The following NPSR1 variants were observed in gnomAD, a reference collection of about 807,000 sequenced individuals.
NPSR1 encodes neuropeptide S receptor.
A neutral mutation model predicts 46.9 loss-of-function variants in NPSR1; 48 were observed. That is an observed-to-expected ratio of 1.02 (90% CI 0.81 to 1.30). NPSR1 has a LOEUF of 1.30. NPSR1 is among the 50% of genes most tolerant of loss of function. The pLI, the probability that NPSR1 is intolerant of heterozygous loss-of-function variation, is 0.00. For missense variants in NPSR1, 450 were observed against 449.5 expected, an observed-to-expected ratio of 1.00 and a Z score of -0.01; for synonymous variants, 176 against 168.1, an observed-to-expected ratio of 1.05 and a Z score of -0.36.
intron 1 of NPSR1, among the ~76,000 whole-genome samples, chr7:34,674,610 A>G (rs185904830): frequency 1.3e-5 from 2 of 152,340 alleles, no homozygotes; most frequent in African/African-American, 4.8e-5. Context: ...CCTGTATTGG[A>G]AAATGGCAGA....
chr7:34,805,698 T>C (rs1410506741), intron 3 of NPSR1, among the ~76,000 whole-genome samples: 1 of 151,862 alleles, frequency 6.6e-6, no homozygotes, highest in Admixed American at 6.6e-5. Flanking sequence ...TGTTGGACAT[T>C]ATGAAAATTT....
intron 2 of NPSR1, among the ~76,000 whole-genome samples, chr7:34,766,987 G>C (rs1230487953): frequency 2.0e-5 from 3 of 152,184 alleles, no homozygotes; most frequent in Non-Finnish European, 4.4e-5. Context: ...GTGTTTGCTA[G>C]GAAATGGGTG....
chr7:34,788,719 T>C (rs999275272), intron 3 of NPSR1, among the ~76,000 whole-genome samples: 2 of 152,042 alleles, frequency 1.3e-5, no homozygotes, highest in Non-Finnish European at 2.9e-5. Context: ...TCATAGGTCT[T>C]CAAAATCCCA....
chr7:34,708,676 A>C (rs1013137657), intron 2 of NPSR1, among the ~76,000 whole-genome samples: 11 of 152,238 alleles, frequency 7.2e-5, no homozygotes, highest in South Asian at 2.1e-4. Flanking sequence ...AGGTCAGAAG[A>C]TGCCTCTGCC....
intron 2 of NPSR1, among the ~76,000 whole-genome samples, chr7:34,707,573 G>A (rs1046794679): frequency 3.6e-4 from 55 of 152,140 alleles, no homozygotes; most frequent in African/African-American, 1.3e-3. Context: ...ACTTACTATG[G>A]CGAGGCATGG....
intron 2 of NPSR1, among the ~76,000 whole-genome samples, chr7:34,698,583 A>G (rs1793656272): frequency 6.6e-6 from 1 of 152,206 alleles, no homozygotes; most frequent in Admixed American, 6.5e-5. Context: ...CTTTCTTACA[A>G]CAACTGATAT....
In NPSR1 at chr7:34,827,574, G is replaced by A; in HGVS notation, c.652G>A (p.Val218Met). The change falls in exon 5 of 9, where the codon GTG becomes ATG. Residue 218 changes from valine to methionine, a missense_variant. Coordinates refer to ENST00000360581, the MANE Select transcript of NPSR1 (RefSeq NM_207172.2). ...ATACATGACCATCGTGGCCTTCCTG[G>A]TGTACTTCATCCCTCTGACAATCAT... Reference protein sequence around the residue: ...TPYMTIVAFLVYFIPLTIISI... With the variant: ...TPYMTIVAFLMYFIPLTIISI... 7.0e-7 allele frequency: 1 copy of A among 1,434,194 alleles called. No homozygotes were observed. The highest frequency in any genetic ancestry group is 1.5e-5 in the African/African-American group (1 of 66,554). The allele number at this position is 1,434,194 out of a possible 1,614,324, so 88.8% of individuals were successfully genotyped here.
chr7:34,829,894 C>T (rs543373836), intron 5 of NPSR1, among the ~76,000 whole-genome samples: 15 of 152,214 alleles, frequency 9.9e-5, no homozygotes, highest in African/African-American at 2.2e-4. Flanking sequence ...CAGCCCGTGA[C>T]GGTCATGAAA....
chr7:34,750,710 C>T, intron 2 of NPSR1: 1 of 699,210 alleles, frequency 1.4e-6, no homozygotes, highest in Non-Finnish European at 2.7e-6. Context: ...ATCTCCAAAA[C>T]AGTCAAAATT....
chr7:34,811,061 G>A (rs551514783), intron 3 of NPSR1, among the ~76,000 whole-genome samples: 1 of 152,300 alleles, frequency 6.6e-6, no homozygotes. Context: ...GTGGGTGCCT[G>A]TGACTCCTGA....
At chr7:34,700,572 G>A (rs1293249011) in intron 2 of NPSR1, among the ~76,000 whole-genome samples, 1 of 152,136 alleles carries the variant, frequency 6.6e-6, no homozygotes, top group Non-Finnish European at 1.5e-5. Context: ...AGGGAGATAC[G>A]ACTTCACACC....
intron 2 of NPSR1, among the ~76,000 whole-genome samples, chr7:34,764,411 CT>C (rs1786328593): frequency 6.6e-6 from 1 of 152,200 alleles, no homozygotes; most frequent in South Asian, 2.1e-4. Context: ...CAAATCCATC[CT>C]GCAGCTTATT....
At chr7:34,764,136 G>C (rs529329698) in intron 2 of NPSR1, among the ~76,000 whole-genome samples, 3 of 152,244 alleles carry the variant, frequency 2.0e-5, no homozygotes, top group African/African-American at 7.2e-5. Flanking sequence ...CAAAGTCTTG[G>C]CTCTACATTA....
At chr7:34,685,600 TG>T (rs1562650887) in intron 2 of NPSR1, 1 of 320,432 alleles carries the variant, frequency 3.1e-6, no homozygotes, top group Non-Finnish European at 5.9e-6. Flanking sequence ...CAACCTGTAC[TG>T]TTATCTCAGC....
At chr7:34,850,546 G>A (rs1790904147), downstream of NPSR1, among the ~76,000 whole-genome samples, 1 of 152,196 alleles carries the variant, frequency 6.6e-6, no homozygotes, top group African/African-American at 2.4e-5. Flanking sequence ...GACCACAGGT[G>A]CCCGCCACCA....
intron 4 of NPSR1, among the ~76,000 whole-genome samples, chr7:34,820,938 A>G (rs943412100): frequency 6.6e-6 from 1 of 152,102 alleles, no homozygotes; most frequent in Non-Finnish European, 1.5e-5. Context: ...CATCAGACTT[A>G]AAGTCTGTGT....
In NPSR1 at chr7:34,704,704, GA is replaced by G. The variant is rs370855522; in HGVS notation, c.280+20027del. 2.7e-4 allele frequency among the ~76,000 whole-genome samples: 41 copies of G among 152,220 alleles called. 1 individual carries two copies. Among genetic ancestry groups the G allele is most frequent in the African/African-American group, 9.9e-4 (41 of 41,536 alleles). On this transcript the variant is annotated intron_variant, in intron 2 of 8. Transcript: ENST00000360581. ...CTGAGTGGAAAAGCTTTGCAAGGGGGAAAAAAAGGCAGGGTCTCAGCTATGC... is the reference window on the plus strand; with the variant it reads ...CTGAGTGGAAAAGCTTTGCAAGGGGGAAAAAAGGCAGGGTCTCAGCTATGC...
chr7:34,695,501 A>G (rs2128692418), intron 2 of NPSR1, among the ~76,000 whole-genome samples: 1 of 150,320 alleles, frequency 6.7e-6, no homozygotes, highest in Non-Finnish European at 1.5e-5. Flanking sequence ...AACAAAAGAA[A>G]TAATCAACAA....
At chr7:34,757,176 T>C (rs751235096) in intron 2 of NPSR1, among the ~76,000 whole-genome samples, 7 of 152,208 alleles carry the variant, frequency 4.6e-5, no homozygotes, top group Non-Finnish European at 1.0e-4. Context: ...TATATTATTC[T>C]ATTTAATTAC....
Sources: allele counts gnomAD v4.1 joint callset (sites outside exome capture counted in the v4.1 genomes callset), GRCh38; gene constraint gnomAD v4.1.1; transcripts MANE v1.5; gene names NCBI Gene and HGNC (gene_info 2026-07-23, HGNC 2026-07-21).